Variants in GUCY2C observed in about 807,000 individuals in gnomAD.
The protein encoded by GUCY2C is guanylyl cyclase C.
GUCY2C carries 118 observed loss-of-function variants against 131.1 expected under a neutral mutation model. The observed-to-expected ratio is 0.90, with a 90% CI of 0.78 to 1.05. The LOEUF is 1.05. GUCY2C is among the 50% of genes least tolerant of loss of function. GUCY2C has a pLI of 0.00. For synonymous variants in GUCY2C, 452 were observed against 457.8 expected (o/e 0.99, Z 0.16); for missense variants, 1,161 against 1,304.4 (o/e 0.89, Z 1.69).
chr12:14,688,778 G>A (rs951834292), intron 1 of GUCY2C, among the ~76,000 whole-genome samples: 2 of 152,222 alleles, frequency 1.3e-5, no homozygotes, highest in Non-Finnish European at 2.9e-5. Flanking sequence ...CCTGCGTGAA[G>A]ACTTAGCCAT....
intron 1 of GUCY2C, among the ~76,000 whole-genome samples, chr12:14,694,573 A>C (rs1006574060): frequency 2.0e-5 from 3 of 152,346 alleles, no homozygotes; most frequent in Admixed American, 2.0e-4. Flanking sequence ...GGACAAATCA[A>C]GTGTTCTTTC....
At chr12:14,648,589 G>T (rs1947574088) in intron 15 of GUCY2C, among the ~76,000 whole-genome samples, 1 of 151,906 alleles carries the variant, frequency 6.6e-6, no homozygotes. Flanking sequence ...AATCCTCTTT[G>T]TTTTTTTTCC....
At chr12:14,647,947 C>T (rs1299907019) in intron 15 of GUCY2C, among the ~76,000 whole-genome samples, 1 of 148,594 alleles carries the variant, frequency 6.7e-6, no homozygotes, top group African/African-American at 2.5e-5. Flanking sequence ...CATCTTTTTA[C>T]TTATTTATTT....
intron 16 of GUCY2C, among the ~76,000 whole-genome samples, chr12:14,643,961 G>A (rs1947460108): frequency 6.6e-6 from 1 of 152,144 alleles, no homozygotes; most frequent in Non-Finnish European, 1.5e-5. Context: ...TTAAGTAGTT[G>A]TGTATAATAT....
At chr12:14,681,195 A>G (rs770890138) in intron 5 of GUCY2C, among the ~76,000 whole-genome samples, 161 bp downstream of exon 5, 4 of 152,334 alleles carry the variant, frequency 2.6e-5, no homozygotes, top group African/African-American at 9.6e-5. Flanking sequence ...AAGGAACAAT[A>G]TAATGAAGTT....
At chr12:14,641,279 A>G in intron 17 of GUCY2C, 60 bp from the exon 18 acceptor site, 1 of 1,540,424 alleles carries the variant, frequency 6.5e-7, no homozygotes, top group Non-Finnish European at 9.0e-7. Context: ...ATAGGCCTCC[A>G]ACCTGCTTTT....
At chr12:14,621,333 A>T (rs1489436535) in intron 22 of GUCY2C, 117 bp from the exon 23 acceptor site, 2 of 849,308 alleles carry the variant, frequency 2.4e-6, no homozygotes, top group Non-Finnish European at 1.9e-6. Context: ...GTATGAGCAT[A>T]GCCCTTTACA....
chr12:14,681,565 G>T, intron 4 of GUCY2C, 88 bp from the exon 5 acceptor site: 5 of 1,123,406 alleles, frequency 4.5e-6, no homozygotes, highest in Non-Finnish European at 6.6e-6. Context: ...TCTATCCTGG[G>T]ATTTGTTCAT....
At chr12:14,667,925 C>G in intron 10 of GUCY2C, among the ~76,000 whole-genome samples, 1 of 151,170 alleles carries the variant, frequency 6.6e-6, no homozygotes, top group Non-Finnish European at 1.5e-5. Flanking sequence ...TTTCCCATGT[C>G]ATTTAACATT....
At chr12:14,635,229 A>C (rs2137007771) in intron 19 of GUCY2C, among the ~76,000 whole-genome samples, 1 of 152,320 alleles carries the variant, frequency 6.6e-6, no homozygotes, top group South Asian at 2.1e-4. Context: ...ACCAGTCTCA[A>C]CATATTTATA....
intron 10 of GUCY2C, among the ~76,000 whole-genome samples, chr12:14,666,535 G>A (rs1947983622): frequency 6.6e-6 from 1 of 152,166 alleles, no homozygotes. Context: ...AGGAGTTCCA[G>A]ACCAGCCAGC....
intron 11 of GUCY2C, among the ~76,000 whole-genome samples, chr12:14,657,844 G>A (rs1565622582): frequency 1.3e-5 from 2 of 152,114 alleles, no homozygotes; most frequent in Admixed American, 6.6e-5. Flanking sequence ...GAATTCTTGG[G>A]CTATAGACGA....
At chr12:14,632,569 T>C (rs1947169020) in intron 19 of GUCY2C, among the ~76,000 whole-genome samples, 2 of 152,206 alleles carry the variant, frequency 1.3e-5, no homozygotes, top group African/African-American at 4.8e-5. Context: ...ATTTCTCTAT[T>C]CTTTTTAGAT....
chr12:14,679,889 C>T, intron 5 of GUCY2C, 136 bp from the exon 6 acceptor site: 1 of 468,990 alleles, frequency 2.1e-6, no homozygotes. Flanking sequence ...CCTTAAATTC[C>T]TCCTTCCTTT....
At chr12:14,645,765 G>C (rs774198172) in intron 15 of GUCY2C, among the ~76,000 whole-genome samples, 75 of 150,672 alleles carry the variant, frequency 5.0e-4, no homozygotes, top group Admixed American at 7.9e-4. Flanking sequence ...AGTTTACTAA[G>C]TCCTCTGTCA....
chr12:14,660,527 C>T (rs966613519), intron 11 of GUCY2C, among the ~76,000 whole-genome samples: 1 of 152,148 alleles, frequency 6.6e-6, no homozygotes, highest in African/African-American at 2.4e-5. Context: ...TAAATTGTTT[C>T]TAAAACCTCT....
rs1460779070 is a variant in GUCY2C, at chr12:14,679,658, T to G, written c.829A>C (p.Asn277His). The G allele has an allele frequency of 6.7e-7, 1 of 1,485,288 alleles. No individual in the cohort carries two copies. Among genetic ancestry groups the G allele is most frequent in the African/African-American group, 1.4e-5 (1 of 72,558 alleles). The allele number at this position is 1,485,288 out of a possible 1,614,324, so 92.0% of individuals were successfully genotyped here. Residue 277 changes from asparagine (N) to histidine (H), a missense_variant and splice_region_variant, in exon 6 of 27, where the codon AAT (asparagine) becomes CAT (histidine). Asn to His is a moderately conservative substitution (Grantham distance 68). Coordinates refer to ENST00000261170, the MANE Select transcript of GUCY2C (RefSeq NM_004963.4). Reference sequence around the variant, plus strand: ...GGTTTTTCCAAATGTTATACCTACTTGAAAAGATCCACTAGAATAATGACA... The same window carrying G: ...GGTTTTTCCAAATGTTATACCTACTGGAAAAGATCCACTAGAATAATGACA... ...DIVIILVDLF[N>H]DQYFEDNVTA...
At chr12:14,681,079 T>C (rs1376971743) in intron 5 of GUCY2C, among the ~76,000 whole-genome samples, 1 of 152,122 alleles carries the variant, frequency 6.6e-6, no homozygotes, top group Non-Finnish European at 1.5e-5. Context: ...ATAATATCAT[T>C]TGGGTTTATA....
At chr12:14,645,126 C>T (rs1947494361) in intron 16 of GUCY2C, 103 bp downstream of exon 16, 11 of 670,808 alleles carry the variant, frequency 1.6e-5, no homozygotes, top group Non-Finnish European at 2.8e-5. Context: ...CTATTATTAT[C>T]ATTTTACAGA....
Sources: allele counts gnomAD v4.1 joint callset (sites outside exome capture counted in the v4.1 genomes callset), GRCh38; gene constraint gnomAD v4.1.1; transcripts MANE v1.5; gene names NCBI Gene and HGNC (gene_info 2026-07-23, HGNC 2026-07-21).